UGCG: variants seen among roughly 807,000 people sequenced by gnomAD.
UGCG encodes the protein ceramide glucosyltransferase.
In UGCG, 10 loss-of-function variants were observed where a neutral mutation model predicts 49.5. That is an observed-to-expected ratio of 0.20 (90% CI 0.12 to 0.34). The LOEUF is 0.34. Ranked by LOEUF, UGCG falls within the 10% of genes least tolerant of loss-of-function variation. The pLI, the probability that UGCG is intolerant of heterozygous loss-of-function variation, is 1.00. For missense variants in UGCG, 312 were observed against 483.7 expected (o/e 0.65, Z 3.33); for synonymous variants, 182 against 158.2 (o/e 1.15, Z -1.13).
intron 5 of UGCG, 71 bp from the exon 6 acceptor site, chr9:111,929,429 A>G (rs1328869733): frequency 6.7e-7 from 1 of 1,496,822 alleles, no homozygotes; most frequent in Non-Finnish European, 9.0e-7. Flanking sequence ...AACCATTGGG[A>G]AAAACAGTTC....
Position 111,930,493 on chromosome 9 carries a change from A to G in UGCG, c.738-778A>G, listed in dbSNP as rs1043714372. Among the ~76,000 whole-genome samples the G allele has an allele frequency of 9.6e-5, 14 of 146,024 alleles. No individual in the cohort carries two copies. The East Asian group carries it at 2.8e-3, about 29-fold the overall frequency. On this transcript the variant is annotated intron_variant, in intron 6 of 8. Transcript: ENST00000374279. ...TGGTTTTTTTTTTTTTTTTTGAGACAGTCTCGCCCTGACATCCAGGCTGGA... is the reference window on the plus strand; with the variant it reads ...TGGTTTTTTTTTTTTTTTTTGAGACGGTCTCGCCCTGACATCCAGGCTGGA...
chr9:111,915,711 C>T (rs1838098733), intron 2 of UGCG: 6 of 886,210 alleles, frequency 6.8e-6, no homozygotes, highest in African/African-American at 1.8e-5. Flanking sequence ...ATGCGCACTA[C>T]ACTTCTTATG....
chr9:111,930,493 A>C (rs1043714372), intron 6 of UGCG, among the ~76,000 whole-genome samples: 2 of 145,966 alleles, frequency 1.4e-5, no homozygotes, highest in Non-Finnish European at 3.0e-5. Context: ...TTTTTGAGAC[A>C]GTCTCGCCCT....
intron 2 of UGCG, among the ~76,000 whole-genome samples, chr9:111,920,201 A>G (rs548062448): frequency 2.6e-5 from 4 of 152,306 alleles, no homozygotes; most frequent in African/African-American, 2.4e-5. Flanking sequence ...ATATATAATA[A>G]CAGCAGTATG....
At chr9:111,924,046 C>T (rs1024745634) in intron 3 of UGCG, among the ~76,000 whole-genome samples, 4 of 152,172 alleles carry the variant, frequency 2.6e-5, no homozygotes, top group African/African-American at 9.7e-5. Flanking sequence ...CCTCGACCTC[C>T]CAAAGTGCTG....
At chr9:111,907,838 A>G (rs971234966) in intron 1 of UGCG, among the ~76,000 whole-genome samples, 3 of 152,156 alleles carry the variant, frequency 2.0e-5, no homozygotes, top group African/African-American at 7.2e-5. Context: ...CATGTTGGCC[A>G]GGCTGGTCTC....
chr9:111,910,392 AG>A (rs1837973999), intron 1 of UGCG, among the ~76,000 whole-genome samples: 1 of 152,246 alleles, frequency 6.6e-6, no homozygotes, highest in Admixed American at 6.5e-5. Flanking sequence ...CTGGGATTTT[AG>A]ACCTTCTTAT....
In UGCG at chr9:111,908,794, C is replaced by G. The variant is rs919465721; in HGVS notation, c.99-5811C>G. On this transcript the variant is annotated intron_variant, in intron 1 of 8. Coordinates refer to ENST00000374279, the MANE Select transcript of UGCG (RefSeq NM_003358.3). ...GTCTAGGAAATGCAGAAACCCTGAT[C>G]TGAGACACTAAAAGAAAAACTAGTT... Among the ~76,000 whole-genome samples, 5 of 152,292 alleles carry G rather than the reference C, an allele frequency of 3.3e-5. No individual in the cohort carries two copies. The East Asian group carries it at 9.6e-4, about 29-fold the overall frequency.
intron 3 of UGCG, among the ~76,000 whole-genome samples, chr9:111,923,258 TG>T (rs1466562413): frequency 6.6e-6 from 1 of 152,146 alleles, no homozygotes; most frequent in Non-Finnish European, 1.5e-5. Context: ...TGACTATAAT[TG>T]GAGTGAATGA....
rs1181882690 is a variant in UGCG, at chr9:111,934,138, T to TG, written c.*1141_*1142insG. The TG allele has an allele frequency of 1.3e-5, 2 of 151,626 alleles. No individual in the cohort carries two copies. The highest frequency in any genetic ancestry group is 2.9e-5 in the Non-Finnish European group (2 of 67,822). 9.4% of individuals were successfully genotyped at this position (151,626 alleles called of 1,614,324 possible). Reference sequence around the variant, plus strand: ...AAGTCTACTGTGTGTGTTTTTTTTTTTTGTTTTTTGTTTTTGTTTGTTTAC... The same window carrying TG: ...AAGTCTACTGTGTGTGTTTTTTTTTTGTTGTTTTTTGTTTTTGTTTGTTTAC... On this transcript the variant is annotated 3_prime_UTR_variant, in exon 9 of 9. Coordinates refer to ENST00000374279, the MANE Select transcript of UGCG (RefSeq NM_003358.3).
intron 2 of UGCG, among the ~76,000 whole-genome samples, chr9:111,916,933 C>T (rs1314527101): frequency 6.6e-6 from 1 of 151,352 alleles, no homozygotes; most frequent in Non-Finnish European, 1.5e-5. Context: ...TTGCTTGAGG[C>T]CAGGTGTTCA....
At position 111,897,565 on chromosome 9, in the gene UGCG, G is replaced by A. The variant is rs894342675; in HGVS notation, c.98+252G>A. ...CTGCCCAGCCAGGCTAAAGGAGACT[G>A]CTCTTACGTGTCAGGCTGAAGGTGG... On this transcript the variant is annotated intron_variant, in intron 1 of 8. Coordinates refer to ENST00000374279, the MANE Select transcript of UGCG (RefSeq NM_003358.3). Among the ~76,000 whole-genome samples the A allele has an allele frequency of 5.3e-5, 8 of 152,186 alleles. 1 individual carries two copies. The highest frequency in any genetic ancestry group is 5.2e-4 in the Admixed American group (8 of 15,282).
intron 1 of UGCG, among the ~76,000 whole-genome samples, chr9:111,911,941 T>TCAACAGG (rs1344331292): frequency 0.013 from 595 of 46,574 alleles, 36 homozygotes; most frequent in African/African-American, 0.052. Flanking sequence ...TATATATATA[T>TCAACAGG]ATATATATAT....
chr9:111,921,377 C>T (rs1365242169), intron 2 of UGCG, among the ~76,000 whole-genome samples: 1 of 151,972 alleles, frequency 6.6e-6, no homozygotes, highest in Admixed American at 6.6e-5. Flanking sequence ...GTTGACTGAG[C>T]ATGGTGGCTC....
intron 3 of UGCG, among the ~76,000 whole-genome samples, chr9:111,924,000 C>T (rs995474723): frequency 6.6e-6 from 1 of 152,126 alleles, no homozygotes; most frequent in African/African-American, 2.4e-5. Flanking sequence ...CCATGTCATA[C>T]TGGTCTCGAA....
chr9:111,901,057 C>A (rs1278332281), intron 1 of UGCG, among the ~76,000 whole-genome samples: 1 of 152,036 alleles, frequency 6.6e-6, no homozygotes, highest in East Asian at 1.9e-4. Flanking sequence ...CTCAAGTGAT[C>A]CCCCCACCTT....
chr9:111,906,404 G>A (rs1410775626), intron 1 of UGCG, among the ~76,000 whole-genome samples: 2 of 151,338 alleles, frequency 1.3e-5, no homozygotes, highest in Non-Finnish European at 2.9e-5. Context: ...TGCTTCCTTC[G>A]CTTGTTTCTT....
rs921210423 is a variant in UGCG, at chr9:111,923,790, G to A, written c.343+839G>A. ...TGGGATCACAGGCGTGCATCACCACGCCCAGCTAATTTTTTTGTATTTTTA... is the reference window on the plus strand; with the variant it reads ...TGGGATCACAGGCGTGCATCACCACACCCAGCTAATTTTTTTGTATTTTTA... On this transcript the variant is annotated intron_variant, in intron 3 of 8. Coordinates refer to ENST00000374279, the MANE Select transcript of UGCG (RefSeq NM_003358.3). Among the ~76,000 whole-genome samples the A allele has an allele frequency of 5.3e-5, 8 of 152,002 alleles. No individual in the cohort carries two copies. The South Asian group carries it at 6.2e-4, about 12-fold the overall frequency.
chr9:111,903,243 G>GA (rs1391515893), intron 1 of UGCG, among the ~76,000 whole-genome samples: 3 of 152,098 alleles, frequency 2.0e-5, no homozygotes, highest in Admixed American at 1.3e-4. Context: ...AGCCAAATTT[G>GA]AAAACAGAAC....
Sources: gnomAD v4.1 joint callset for allele counts (sites outside exome capture counted in the v4.1 genomes callset) on GRCh38, gnomAD v4.1.1 for gene constraint, MANE v1.5 for transcripts, NCBI Gene and HGNC (gene_info 2026-07-23, HGNC 2026-07-21) for gene names.